Variants in DPYD observed in about 807,000 individuals in gnomAD.
DPYD encodes the protein dihydropyrimidine dehydrogenase [NADP(+)].
A neutral mutation model predicts 116.2 loss-of-function variants in DPYD; 109 were observed. The observed-to-expected ratio is 0.94, with a 90% CI of 0.80 to 1.10. The LOEUF (loss-of-function observed/expected upper bound fraction) is 1.10, where lower values mean the gene tolerates loss of function less well. Ranked by LOEUF, DPYD falls within the 50% of genes least tolerant of loss-of-function variation. DPYD has a pLI of 0.00. For synonymous variants in DPYD, 440 were observed against 432.0 expected, an observed-to-expected ratio of 1.02 and a Z score of -0.23; for missense variants, 1,302 against 1,254.5, an observed-to-expected ratio of 1.04 and a Z score of -0.57.
At chr1:97,880,879 C>A (rs1260791631) in intron 2 of DPYD, among the ~76,000 whole-genome samples, 1 of 151,878 alleles carries the variant, frequency 6.6e-6, no homozygotes, top group East Asian at 1.9e-4. Context: ...TTAATGACTG[C>A]ACAATATACC....
At chr1:97,322,561 A>T (rs905685367) in intron 16 of DPYD, 2 of 152,050 alleles carry the variant, frequency 1.3e-5, no homozygotes, top group African/African-American at 4.8e-5. Context: ...AAATTCATGG[A>T]TACTGGATTT....
chr1:97,144,571 T>G (rs1167356504), intron 20 of DPYD, among the ~76,000 whole-genome samples: 1 of 152,210 alleles, frequency 6.6e-6, no homozygotes, highest in African/African-American at 2.4e-5. Context: ...CTACTTGAAG[T>G]GTTCCCATTT....
At chr1:97,484,209 T>C (rs941150470) in intron 13 of DPYD, among the ~76,000 whole-genome samples, 2 of 151,960 alleles carry the variant, frequency 1.3e-5, no homozygotes, top group Non-Finnish European at 2.9e-5. Flanking sequence ...GGAGGCTAAG[T>C]AGGAGAATCG....
At chr1:97,173,239 C>CATATGTACAT (rs1656888407) in intron 20 of DPYD, among the ~76,000 whole-genome samples, 1 of 137,918 alleles carries the variant, frequency 7.3e-6, no homozygotes, top group East Asian at 2.2e-4. Context: ...TATGCGCACA[C>CATATGTACAT]ATATATGTAC....
At chr1:97,756,309 C>T (rs769949735) in intron 3 of DPYD, among the ~76,000 whole-genome samples, 2 of 152,124 alleles carry the variant, frequency 1.3e-5, no homozygotes, top group Non-Finnish European at 2.9e-5. Flanking sequence ...AGTTACATTA[C>T]ACAATGACTT....
At chr1:97,118,266 C>A (rs536202050) in intron 20 of DPYD, among the ~76,000 whole-genome samples, 1 of 152,248 alleles carries the variant, frequency 6.6e-6, no homozygotes, top group African/African-American at 2.4e-5. Context: ...CACCCAGACT[C>A]TGGGCACCCT....
chr1:97,233,637 G>C (rs1313980413), intron 19 of DPYD, among the ~76,000 whole-genome samples: 2 of 152,094 alleles, frequency 1.3e-5, no homozygotes, highest in Non-Finnish European at 2.9e-5. Flanking sequence ...AGAGAGAGCA[G>C]GCTTTTCATC....
intron 5 of DPYD, among the ~76,000 whole-genome samples, chr1:97,714,182 C>T (rs12094393): frequency 0.012 from 1,858 of 152,040 alleles, 45 homozygotes; most frequent in African/African-American, 0.043. Context: ...ACACTTAACG[C>T]TTCAAGGCTC....
intron 2 of DPYD, among the ~76,000 whole-genome samples, chr1:97,849,180 A>C (rs1034838947): frequency 3.9e-5 from 6 of 152,198 alleles, no homozygotes; most frequent in African/African-American, 1.4e-4. Context: ...TTTGCATATT[A>C]TTTTAAATGA....
At chr1:97,321,927 C>T (rs1460215443) in intron 16 of DPYD, among the ~76,000 whole-genome samples, 1 of 38,856 alleles carries the variant, frequency 2.6e-5, no homozygotes, top group Admixed American at 3.9e-4. Flanking sequence ...AGTTCATGTC[C>T]TTTGTAGGGA....
In DPYD at chr1:97,787,291, A is replaced by G. The variant is rs954564312; in HGVS notation, c.233+40823T>C. Among the ~76,000 whole-genome samples the G allele has an allele frequency of 2.4e-4, 37 of 152,232 alleles. 1 individual carries two copies. The highest frequency in any genetic ancestry group is 2.3e-3 in the Admixed American group (35 of 15,286). On this transcript the variant is annotated intron_variant, in intron 3 of 22. Coordinates refer to ENST00000370192, the MANE Select transcript of DPYD (RefSeq NM_000110.4). Reference sequence around the variant, plus strand: ...CAATTGCATCAACATCTAAAGTAAAATGAAATAAGTGAGACTTTTATCCTA... The same window carrying G: ...CAATTGCATCAACATCTAAAGTAAAGTGAAATAAGTGAGACTTTTATCCTA...
intron 14 of DPYD, among the ~76,000 whole-genome samples, chr1:97,405,036 G>A (rs1415789363): frequency 8.7e-5 from 13 of 148,736 alleles, no homozygotes; most frequent in East Asian, 5.9e-4. Flanking sequence ...AGATAACCCC[G>A]TACCACTTCA....
intron 2 of DPYD, among the ~76,000 whole-genome samples, chr1:97,880,159 G>A (rs189159033): frequency 6.6e-6 from 1 of 151,934 alleles, no homozygotes; most frequent in African/African-American, 2.4e-5. Flanking sequence ...GATAACCAAT[G>A]TAGTGACTAT....
intron 13 of DPYD, among the ~76,000 whole-genome samples, chr1:97,477,429 G>C (rs1678030228): frequency 6.6e-6 from 1 of 152,000 alleles, no homozygotes; most frequent in African/African-American, 2.4e-5. Context: ...CCAAAGTTTT[G>C]AACTTCACTT....
chr1:97,820,602 T>G (rs1668872648), intron 3 of DPYD, among the ~76,000 whole-genome samples: 1 of 152,104 alleles, frequency 6.6e-6, no homozygotes, highest in African/African-American at 2.4e-5. Context: ...CACACACCAG[T>G]AAAAAAGCCA....
intron 8 of DPYD, among the ~76,000 whole-genome samples, chr1:97,672,446 A>C (rs1385741414): frequency 2.0e-5 from 3 of 152,130 alleles, no homozygotes; most frequent in Admixed American, 1.3e-4. Context: ...AAATCTTGGG[A>C]GCCATTTTAC....
At chr1:97,710,346 CA>C (rs1328966385) in intron 5 of DPYD, among the ~76,000 whole-genome samples, 1 of 151,704 alleles carries the variant, frequency 6.6e-6, no homozygotes, top group African/African-American at 2.4e-5. Context: ...TAAGACAAGT[CA>C]AAGGAAATAC....
chr1:97,847,977 A>G (rs921390514), intron 2 of DPYD, among the ~76,000 whole-genome samples: 2 of 152,240 alleles, frequency 1.3e-5, no homozygotes, highest in African/African-American at 4.8e-5. Flanking sequence ...ATATTCATAA[A>G]TGGTGAAACC....
intron 5 of DPYD, among the ~76,000 whole-genome samples, chr1:97,707,629 G>T (rs907971719): frequency 6.6e-6 from 1 of 151,968 alleles, no homozygotes; most frequent in South Asian, 2.1e-4. Flanking sequence ...AGAACCAAGA[G>T]AAATAATTTT....
Sources: gnomAD v4.1 joint callset for allele counts (sites outside exome capture counted in the v4.1 genomes callset) on GRCh38, gnomAD v4.1.1 for gene constraint, MANE v1.5 for transcripts, NCBI Gene and HGNC (gene_info 2026-07-23, HGNC 2026-07-21) for gene names.